The following DOCK8 variants were observed in gnomAD, a reference collection of about 807,000 sequenced individuals.
DOCK8 encodes dedicator of cytokinesis protein 8.
DOCK8 carries 141 observed loss-of-function variants against 245.6 expected under a neutral mutation model. That is an observed-to-expected ratio of 0.57 (90% confidence interval 0.50 to 0.66). DOCK8 has a LOEUF of 0.66. Among genes scored for constraint, DOCK8 ranks in the 30% least tolerant of loss-of-function variants. The pLI is 0.00. For missense variants in DOCK8, 2,965 were observed against 2,603.4 expected (o/e 1.14, Z -3.02); for synonymous variants, 1,168 against 970.2 (o/e 1.20, Z -3.79).
intron 9 of DOCK8, among the ~76,000 whole-genome samples, chr9:329,403 C>A (rs2050906367): frequency 6.6e-6 from 1 of 152,100 alleles, no homozygotes; most frequent in Admixed American, 6.6e-5. Context: ...CCAAATAATT[C>A]AGGTAGCTTT....
At chr9:403,964 A>ATG (rs2055282302) in intron 26 of DOCK8, among the ~76,000 whole-genome samples, 1 of 75,702 alleles carries the variant, frequency 1.3e-5, no homozygotes, top group African/African-American at 8.1e-5. Flanking sequence ...ATATATGTAT[A>ATG]TATATATATA....
At chr9:228,865 G>T (rs2047044481) in intron 1 of DOCK8, among the ~76,000 whole-genome samples, 1 of 152,168 alleles carries the variant, frequency 6.6e-6, no homozygotes, top group South Asian at 2.1e-4. Flanking sequence ...CTCAAGTGAA[G>T]CTGTAGGGTC....
chr9:244,104 C>T (rs965710351), intron 1 of DOCK8, among the ~76,000 whole-genome samples: 1 of 148,792 alleles, frequency 6.7e-6, no homozygotes, highest in Non-Finnish European at 1.5e-5. Flanking sequence ...AGGAGAATGG[C>T]GTGAACCCGG....
intron 3 of DOCK8, among the ~76,000 whole-genome samples, chr9:287,114 C>T (rs1181655146): frequency 6.6e-6 from 1 of 152,204 alleles, no homozygotes; most frequent in Non-Finnish European, 1.5e-5. Context: ...ATTTATTGAG[C>T]ATCTACTATG....
intron 46 of DOCK8, among the ~76,000 whole-genome samples, chr9:463,186 G>A (rs889610600): frequency 6.6e-6 from 1 of 151,966 alleles, no homozygotes; most frequent in South Asian, 2.1e-4. Flanking sequence ...GGGCCCAGGA[G>A]GTCGAAGTTT....
chr9:378,526 G>A (rs1342090044), intron 20 of DOCK8, among the ~76,000 whole-genome samples: 1 of 152,244 alleles, frequency 6.6e-6, no homozygotes, highest in African/African-American at 2.4e-5. Flanking sequence ...CTGTGTTGGA[G>A]GCTAACTTTT....
In DOCK8 at chr9:267,512, A is replaced by AT. The variant is rs751612409; in HGVS notation, c.54-4108dup. Among the ~76,000 whole-genome samples, 241 of 152,268 alleles carry AT rather than the reference A, an allele frequency of 1.6e-3. No homozygotes were observed. The Middle Eastern group carries it at 0.017, about 11-fold the overall frequency. ...TGAGCCACTGTGCCCAGCCATATGG[A>AT]TTTTTTTAAAATTATGAACTTACAT... On this transcript the variant is annotated intron_variant, in intron 1 of 47. Transcript: ENST00000432829.
chr9:248,136 C>T (rs7023994), intron 1 of DOCK8, among the ~76,000 whole-genome samples: 48,599 of 151,770 alleles, frequency 0.32, 8,026 homozygotes, highest in Non-Finnish European at 0.36. Context: ...GGTGGCTTTC[C>T]GTGAACAGCA....
At chr9:462,502 G>C (rs980536331) in intron 46 of DOCK8, among the ~76,000 whole-genome samples, 1 of 152,176 alleles carries the variant, frequency 6.6e-6, no homozygotes, top group Non-Finnish European at 1.5e-5. Context: ...ACGATATGCA[G>C]GTGGCATATC....
Position 414,820 on chromosome 9 carries a change from A to C in DOCK8, c.3569A>C (p.His1190Pro). 1 of 1,614,194 alleles carries C rather than the reference A, an allele frequency of 6.2e-7. No homozygotes were observed. The highest frequency in any genetic ancestry group is 8.5e-7 in the Non-Finnish European group (1 of 1,180,010). ...KVQRKAVSAI[H>P]SLLSSHDLDP... is the part of the protein sequence containing the mutation. ...CAAAGGAAAGCTGTCAGTGCAATTC[A>C]CAGCCTGCTAAGTTCTCACGACCTG... is the stretch of plus-strand genomic sequence containing the variant. Residue 1190 changes from histidine to proline, a missense_variant, in exon 29 of 48, where the codon CAC becomes CCC. By Grantham distance (77) the His-to-Pro change is moderately conservative. Transcript: ENST00000432829.
intron 7 of DOCK8, among the ~76,000 whole-genome samples, chr9:323,386 G>T (rs1169781996): frequency 1.3e-5 from 2 of 151,692 alleles, no homozygotes; most frequent in Non-Finnish European, 2.9e-5. Flanking sequence ...ACCACGCTCG[G>T]CCAGTTTTTG....
chr9:277,796 C>T (rs760976971), intron 2 of DOCK8, among the ~76,000 whole-genome samples: 9 of 152,218 alleles, frequency 5.9e-5, no homozygotes, highest in South Asian at 4.1e-4. Flanking sequence ...ATGTACCAAA[C>T]ACCATGGTTA....
At chr9:267,328 C>T (rs1300115734) in intron 1 of DOCK8, among the ~76,000 whole-genome samples, 1 of 152,172 alleles carries the variant, frequency 6.6e-6, no homozygotes, top group Non-Finnish European at 1.5e-5. Flanking sequence ...ACCTCAGCCC[C>T]CTGAGTAGCT....
At chr9:419,291 G>A (rs1023842236) in intron 30 of DOCK8, among the ~76,000 whole-genome samples, 5 of 152,162 alleles carry the variant, frequency 3.3e-5, no homozygotes, top group Admixed American at 2.6e-4. Flanking sequence ...AGGATTGGGG[G>A]GACAGTGAGG....
At chr9:328,248 C>G (rs893492339) in intron 9 of DOCK8, 77 bp downstream of exon 9, 1 of 1,518,736 alleles carries the variant, frequency 6.6e-7, no homozygotes, top group East Asian at 2.4e-5. Flanking sequence ...TTGGGGTGCA[C>G]GCAATCTCAG....
intron 26 of DOCK8, among the ~76,000 whole-genome samples, chr9:400,060 T>A (rs58421766): frequency 0.016 from 502 of 30,862 alleles, 3 homozygotes; most frequent in South Asian, 0.028. Flanking sequence ...CATCACCACC[T>A]CCTTCACCAT....
At chr9:234,985 G>C (rs907995323) in intron 1 of DOCK8, among the ~76,000 whole-genome samples, 1 of 152,126 alleles carries the variant, frequency 6.6e-6, no homozygotes, top group East Asian at 1.9e-4. Context: ...CATTTTTAGA[G>C]TTTCCAGTTT....
In DOCK8 at chr9:244,274, C is replaced by A. The variant is rs190354246; in HGVS notation, c.54-27353C>A. Among the ~76,000 whole-genome samples, 17 of 149,814 alleles carry A rather than the reference C, an allele frequency of 1.1e-4. No individual in the cohort carries two copies. In the East Asian group the frequency reaches 2.7e-3, roughly 24 times the overall value. ...ACACTTTACAATCTAGTATTCCCCCCACCACACACACACACACACGCACAC... is the reference window on the plus strand; with the variant it reads ...ACACTTTACAATCTAGTATTCCCCCAACCACACACACACACACACGCACAC... On this transcript the variant is annotated intron_variant, in intron 1 of 47. Transcript: ENST00000432829.
intron 1 of DOCK8, among the ~76,000 whole-genome samples, chr9:230,293 C>G (rs549152940): frequency 7.8e-6 from 1 of 127,710 alleles, no homozygotes; most frequent in Non-Finnish European, 1.5e-5. Context: ...TTTCTTAATC[C>G]AGTCTATCGT....
Sources: allele counts gnomAD v4.1 joint callset (sites outside exome capture counted in the v4.1 genomes callset), GRCh38; gene constraint gnomAD v4.1.1; transcripts MANE v1.5; gene names NCBI Gene and HGNC (gene_info 2026-07-23, HGNC 2026-07-21).